The following STXBP3 variants were observed in gnomAD, a reference collection of about 807,000 sequenced individuals.
The protein encoded by STXBP3 is syntaxin-binding protein 3.
Under a neutral mutation model 85.7 loss-of-function variants are expected in STXBP3, and 41 were observed. The observed-to-expected ratio is 0.48, with a 90% CI of 0.37 to 0.62. STXBP3 has a LOEUF of 0.62. STXBP3 is among the 20% of genes least tolerant of loss of function. The probability of loss-of-function intolerance (pLI) is 0.00; values close to 1 mark genes in which losing one functional copy is unlikely to be tolerated. For synonymous variants in STXBP3, 229 were observed against 231.7 expected (o/e 0.99, Z 0.10); for missense variants, 563 against 703.1 (o/e 0.80, Z 2.25).
intron 11 of STXBP3, among the ~76,000 whole-genome samples, chr1:108,786,946 C>T (rs1662843054): frequency 6.6e-6 from 1 of 152,066 alleles, no homozygotes; most frequent in Non-Finnish European, 1.5e-5. Flanking sequence ...ATCTCAGCCG[C>T]ATTTTATAAT....
Position 108,776,404 on chromosome 1 carries a change from A to G in STXBP3, c.665A>G (p.Asp222Gly). 1 of 1,607,374 alleles carries G rather than the reference A, an allele frequency of 6.2e-7. No individual in the cohort carries two copies. The highest frequency in any genetic ancestry group is 8.5e-7 in the Non-Finnish European group (1 of 1,176,522). ...AAGCTTGAAGACTACTACAAGATTG[A>G]TGAAAAGAGCCTAATAAAGGTAATG... ...EKKLEDYYKI[D>G]EKSLIKGKTH... The change falls in exon 8 of 19, where the codon GAT becomes GGT. Residue 222 changes from aspartate to glycine, a missense_variant. Around this residue, in one of 3 missense-constraint regions of STXBP3, gnomAD observed 494 missense variants for 592.8 expected, o/e 0.83. Transcript: ENST00000370008.
intron 1 of STXBP3, 117 bp from the exon 2 acceptor site, chr1:108,752,140 C>A: frequency 2.3e-6 from 2 of 862,404 alleles, no homozygotes; most frequent in Non-Finnish European, 1.8e-6. Flanking sequence ...AATATGTATG[C>A]TTTTTATGTA....
At chr1:108,759,832 A>G (rs1388074590) in intron 5 of STXBP3, among the ~76,000 whole-genome samples, 153 bp from the exon 6 acceptor site, 3 of 152,182 alleles carry the variant, frequency 2.0e-5, no homozygotes, top group Non-Finnish European at 4.4e-5. Context: ...TATCTTTTGT[A>G]AAGCAAATAA....
chr1:108,752,002 C>T (rs1020020216), intron 1 of STXBP3, among the ~76,000 whole-genome samples: 1 of 151,794 alleles, frequency 6.6e-6, no homozygotes, highest in Admixed American at 6.6e-5. Context: ...AATATTTTCT[C>T]GGTACGTTCA....
chr1:108,788,586 A>AGTTTTTT (rs1451639416), intron 11 of STXBP3, among the ~76,000 whole-genome samples: 18 of 152,272 alleles, frequency 1.2e-4, no homozygotes, highest in African/African-American at 4.3e-4. Context: ...ATAGATATAG[A>AGTTTTTT]ACTATTTAGT....
chr1:108,799,451 GA>G (rs1663185588), intron 16 of STXBP3, among the ~76,000 whole-genome samples: 1 of 152,090 alleles, frequency 6.6e-6, no homozygotes, highest in Non-Finnish European at 1.5e-5. Context: ...GTTAAATTCA[GA>G]AAATACACAT....
rs115174541 is a variant in STXBP3, at chr1:108,809,248, A to T, written c.*371A>T. 1,040 of 156,782 alleles carry T rather than the reference A, an allele frequency of 6.6e-3. 8 individuals are homozygous for T. The highest frequency in any genetic ancestry group is 0.011 in the Non-Finnish European group (780 of 71,130). 9.7% of individuals were successfully genotyped at this position (156,782 alleles called of 1,614,324 possible). A position where few individuals can be genotyped will look rare whatever the true frequency, so the allele number is the denominator to read the frequency against. ...GAAGTATAGTTTTTGGGAAAGAATG[A>T]TTTTAAATAAAGAGATTGTAAAAGT... On this transcript the variant is annotated 3_prime_UTR_variant, in exon 19 of 19. Coordinates refer to ENST00000370008, the MANE Select transcript of STXBP3 (RefSeq NM_007269.4).
chr1:108,781,696 T>A (rs565791040), intron 9 of STXBP3, among the ~76,000 whole-genome samples: 2 of 152,292 alleles, frequency 1.3e-5, no homozygotes, highest in Non-Finnish European at 2.9e-5. Context: ...ATAGGTTATA[T>A]TGGGGAGGAT....
At chr1:108,805,238 C>G (rs1489576950) in intron 17 of STXBP3, among the ~76,000 whole-genome samples, 1 of 152,072 alleles carries the variant, frequency 6.6e-6, no homozygotes, top group Non-Finnish European at 1.5e-5. Context: ...TGAAACAGTT[C>G]TTAAGCCAAA....
At chr1:108,777,301 C>G (rs753667256) in intron 8 of STXBP3, among the ~76,000 whole-genome samples, 32 of 151,972 alleles carry the variant, frequency 2.1e-4, no homozygotes, top group Admixed American at 2.0e-4. Flanking sequence ...GAAGGCATCC[C>G]AAGAAGAAGA....
At chr1:108,798,597 G>T (rs536604729) in intron 16 of STXBP3, among the ~76,000 whole-genome samples, 16 of 151,694 alleles carry the variant, frequency 1.1e-4, no homozygotes, top group African/African-American at 3.9e-4. Flanking sequence ...TGTATTTTTA[G>T]TGGAGACAGG....
At chr1:108,762,406 C>G (rs1415857542) in intron 6 of STXBP3, among the ~76,000 whole-genome samples, 1 of 151,870 alleles carries the variant, frequency 6.6e-6, no homozygotes, top group Non-Finnish European at 1.5e-5. Flanking sequence ...AATGCTGGCT[C>G]TATGAAATTG....
At position 108,786,381 on chromosome 1, in the gene STXBP3, G is replaced by A. The variant is rs564299179; in HGVS notation, c.963+3675G>A. On this transcript the variant is annotated intron_variant, in intron 11 of 18. Coordinates refer to ENST00000370008, the MANE Select transcript of STXBP3 (RefSeq NM_007269.4). ...ATCTCCACTTGGTCCTGCCCTTGAC[G>A]CGTGGGGATTATTACAATTCAAGGT... 3.9e-5 allele frequency among the ~76,000 whole-genome samples: 6 copies of A among 152,282 alleles called. No individual in the cohort carries two copies. In the South Asian group the frequency reaches 8.3e-4, roughly 21 times the overall value.
chr1:108,754,615 C>A (rs1661980041), intron 3 of STXBP3, among the ~76,000 whole-genome samples: 1 of 152,106 alleles, frequency 6.6e-6, no homozygotes, highest in Non-Finnish European at 1.5e-5. Flanking sequence ...ACCATTGTTT[C>A]TTACTGTATG....
intron 11 of STXBP3, among the ~76,000 whole-genome samples, chr1:108,784,306 A>C (rs565290556): frequency 2.6e-5 from 4 of 152,330 alleles, no homozygotes; most frequent in African/African-American, 7.2e-5. Flanking sequence ...AAAGAGGTTT[A>C]ATTGACTCAC....
At chr1:108,764,697 G>A (rs1270127562) in intron 6 of STXBP3, among the ~76,000 whole-genome samples, 1 of 152,088 alleles carries the variant, frequency 6.6e-6, no homozygotes, top group South Asian at 2.1e-4. Flanking sequence ...TATGTCTTTT[G>A]AAAAGTGTTG....
intron 6 of STXBP3, among the ~76,000 whole-genome samples, chr1:108,770,833 G>T (rs1557805174): frequency 6.6e-6 from 1 of 152,162 alleles, no homozygotes; most frequent in East Asian, 1.9e-4. Flanking sequence ...AAATTATTTT[G>T]TTAATTGAAT....
chr1:108,752,668 T>A (rs368714936), intron 2 of STXBP3, among the ~76,000 whole-genome samples: 7 of 152,190 alleles, frequency 4.6e-5, no homozygotes, highest in Non-Finnish European at 8.8e-5. Context: ...TTTCCTTGTT[T>A]ATAAAAATGG....
Position 108,809,018 on chromosome 1 carries a change from T to A in STXBP3, c.*141T>A. The A allele has an allele frequency of 1.7e-6, 1 of 574,438 alleles. No homozygotes were observed. The highest frequency in any genetic ancestry group is 2.4e-5 in the South Asian group (1 of 41,220). 35.6% of individuals were successfully genotyped at this position (574,438 alleles called of 1,614,324 possible). Reference sequence around the variant, plus strand: ...CAAATACATTTCTTAAGGAACTGTTTATGATTATTACTGGATTTGTCATTT... The same window carrying A: ...CAAATACATTTCTTAAGGAACTGTTAATGATTATTACTGGATTTGTCATTT... On this transcript the variant is annotated 3_prime_UTR_variant, in exon 19 of 19. Coordinates refer to ENST00000370008, the MANE Select transcript of STXBP3 (RefSeq NM_007269.4).
Sources: allele counts gnomAD v4.1 joint callset (sites outside exome capture counted in the v4.1 genomes callset), GRCh38; gene constraint gnomAD v4.1.1; regional missense constraint gnomAD v4.1.1; transcripts MANE v1.5; gene names NCBI Gene and HGNC (gene_info 2026-07-23, HGNC 2026-07-21).